Variants in FGF13 observed in about 807,000 individuals in gnomAD.
The protein encoded by FGF13 is fibroblast growth factor 13, also known as fibroblast growth factor homologous factor 2.
A neutral mutation model predicts 19.5 loss-of-function variants in FGF13; 2 were observed. The observed-to-expected ratio is 0.10, with a 90% CI of 0.04 to 0.32. The LOEUF is 0.32. Ranked by LOEUF, FGF13 falls within the 10% of genes least tolerant of loss-of-function variation. FGF13 has a pLI of 1.00. For missense variants in FGF13, 113 were observed against 192.7 expected (o/e 0.59, Z 2.45); for synonymous variants, 72 against 76.9 (o/e 0.94, Z 0.33).
chrX:138,995,780 T>C (rs753082754), intron 1 of FGF13, among the ~76,000 whole-genome samples: 11 of 112,481 alleles, frequency 9.8e-5, no homozygotes, highest in African/African-American at 3.6e-4. Context: ...TGTGTGCATG[T>C]GTCTTTATGG....
At chrX:138,787,776 T>G (rs1037463417) in intron 3 of FGF13, among the ~76,000 whole-genome samples, 6 of 109,383 alleles carry the variant, frequency 5.5e-5, no homozygotes, top group Admixed American at 2.0e-4. Context: ...GTTCTCATTG[T>G]TCAACTCCCA....
At chrX:138,929,946 C>G (rs1226659356) in intron 1 of FGF13, among the ~76,000 whole-genome samples, 14 of 108,171 alleles carry the variant, frequency 1.3e-4, no homozygotes, top group African/African-American at 4.7e-4. Context: ...AAGGGGCCAC[C>G]CTTTCTCCCA....
At chrX:139,159,668 A>AAAAAAC (rs902153501) in intron 1 of FGF13, among the ~76,000 whole-genome samples, 2 of 109,459 alleles carry the variant, frequency 1.8e-5, no homozygotes, top group African/African-American at 6.7e-5. Flanking sequence ...AAAAAAAAAA[A>AAAAAAC]AAAACAGTGT....
downstream of FGF13, chrX:138,857,505 C>T (rs1416844812): frequency 8.4e-7 from 1 of 1,186,055 alleles, no homozygotes; most frequent in Non-Finnish European, 1.1e-6. Context: ...GTCTGTCGTG[C>T]ACAAACCTTC....
chrX:139,028,582 C>CGTGTGTGTGTGTGTGTGTGTGTGTGT (rs1203709668), intron 1 of FGF13, among the ~76,000 whole-genome samples: 2 of 61,605 alleles, frequency 3.2e-5, no homozygotes, highest in Non-Finnish European at 6.3e-5. Flanking sequence ...GGAGAGAGAG[C>CGTGTGTGTGTGTGTGTGTGTGTGTGT]GTGTGTGTGT....
chrX:139,005,244 C>T (rs183164134), intron 1 of FGF13, among the ~76,000 whole-genome samples: 1 of 95,255 alleles, frequency 1.0e-5, no homozygotes, highest in East Asian at 3.8e-4. Context: ...AGACAGACTC[C>T]ATTTCTTTGG....
chrX:138,965,867 G>A (rs1603078566), intron 1 of FGF13, among the ~76,000 whole-genome samples: 1 of 111,545 alleles, frequency 9.0e-6, no homozygotes, highest in Non-Finnish European at 1.9e-5. Context: ...TAAAGAAAAT[G>A]TTTTTATTTT....
chrX:139,183,138 C>T (rs144302432), intron 1 of FGF13, among the ~76,000 whole-genome samples: 2 of 112,203 alleles, frequency 1.8e-5, no homozygotes, highest in East Asian at 5.6e-4. Context: ...GATTCACTCC[C>T]CTGCTCTGTC....
chrX:138,811,892 A>C (rs1449484017), intron 3 of FGF13, among the ~76,000 whole-genome samples: 2 of 109,728 alleles, frequency 1.8e-5, no homozygotes, highest in East Asian at 5.7e-4. Flanking sequence ...CCAATCCATC[A>C]TTACATCTCA....
intron 3 of FGF13, among the ~76,000 whole-genome samples, chrX:138,789,969 T>C (rs1329809380): frequency 1.3e-4 from 11 of 83,048 alleles, no homozygotes; most frequent in Admixed American, 7.1e-4. Flanking sequence ...GGCGTGAACC[T>C]GGGAGCCGGA....
intron 1 of FGF13, among the ~76,000 whole-genome samples, chrX:139,140,928 G>T: frequency 9.1e-6 from 1 of 110,269 alleles, no homozygotes; most frequent in East Asian, 2.9e-4. Context: ...TAAGGGCCTT[G>T]TGTCTGCTCT....
At chrX:138,901,030 T>G (rs1456657505) in intron 1 of FGF13, among the ~76,000 whole-genome samples, 1 of 112,066 alleles carries the variant, frequency 8.9e-6, no homozygotes, top group Non-Finnish European at 1.9e-5. Flanking sequence ...TCCACTCACC[T>G]TGCTGTGTTT....
intron 1 of FGF13, among the ~76,000 whole-genome samples, chrX:139,090,508 G>C (rs2083432969): frequency 9.0e-6 from 1 of 111,017 alleles, no homozygotes; most frequent in South Asian, 3.8e-4. Context: ...GTGTCATGGG[G>C]GTTTGTTGTA....
intron 1 of FGF13, among the ~76,000 whole-genome samples, chrX:138,883,102 C>A (rs1229736186): frequency 8.9e-6 from 1 of 112,306 alleles, no homozygotes; most frequent in Non-Finnish European, 1.9e-5. Context: ...ATCAGCTGTC[C>A]AAGCCTTGCA....
chrX:138,983,361 C>T (rs978601501), intron 1 of FGF13, among the ~76,000 whole-genome samples: 3 of 96,639 alleles, frequency 3.1e-5, no homozygotes, highest in Non-Finnish European at 6.2e-5. Flanking sequence ...ATAGAAGAGG[C>T]TATTCTTTCC....
chrX:138,893,076 C>T (rs965562828), intron 1 of FGF13, among the ~76,000 whole-genome samples: 1 of 111,121 alleles, frequency 9.0e-6, no homozygotes. Flanking sequence ...AAAATCCATG[C>T]AACATTTGAA....
At chrX:138,957,089 G>GA (rs2091844808) in intron 1 of FGF13, among the ~76,000 whole-genome samples, 1 of 111,061 alleles carries the variant, frequency 9.0e-6, no homozygotes, top group Non-Finnish European at 1.9e-5. Flanking sequence ...AAAGGAAAAG[G>GA]AAAAAAGAGC....
At chrX:138,824,595 A>T (rs1305879348) in intron 3 of FGF13, among the ~76,000 whole-genome samples, 1 of 111,905 alleles carries the variant, frequency 8.9e-6, no homozygotes, top group African/African-American at 3.2e-5. Context: ...ATATAATGAC[A>T]GTAATATGTT....
chrX:139,178,741 A>G (rs1235623888), intron 1 of FGF13, among the ~76,000 whole-genome samples: 1 of 111,945 alleles, frequency 8.9e-6, no homozygotes, highest in Non-Finnish European at 1.9e-5. Context: ...TGTGGTCTCA[A>G]TCTGCATAAT....
Sources: allele counts gnomAD v4.1 joint callset (sites outside exome capture counted in the v4.1 genomes callset), GRCh38; gene constraint gnomAD v4.1.1; transcripts MANE v1.5; gene names NCBI Gene and HGNC (gene_info 2026-07-23, HGNC 2026-07-21).